TSPAN9: variants seen among roughly 807,000 people sequenced by gnomAD.
TSPAN9 encodes the protein tetraspanin 9, also known as tetraspanin-9.
A neutral mutation model predicts 31.0 loss-of-function variants in TSPAN9; 16 were observed. The observed-to-expected ratio is 0.52, with a 90% CI of 0.35 to 0.78. The LOEUF (loss-of-function observed/expected upper bound fraction) is 0.78. TSPAN9 is among the 30% of genes least tolerant of loss of function. TSPAN9 has a pLI of 0.01. For missense variants in TSPAN9, 272 were observed against 312.5 expected, an observed-to-expected ratio of 0.87 and a Z score of 0.98; for synonymous variants, 145 against 121.6, an observed-to-expected ratio of 1.19 and a Z score of -1.27.
At chr12:3,095,472 C>A (rs1423501733) in intron 2 of TSPAN9, among the ~76,000 whole-genome samples, 1 of 132,060 alleles carries the variant, frequency 7.6e-6, no homozygotes, top group Non-Finnish European at 1.6e-5. Flanking sequence ...CCTCACCTCC[C>A]GGACGGGGCG....
intron 3 of TSPAN9, among the ~76,000 whole-genome samples, chr12:3,232,563 C>G (rs76419735): frequency 0.024 from 3,616 of 152,308 alleles, 124 homozygotes; most frequent in African/African-American, 0.08. Context: ...GGTTTTGAGG[C>G]CAGCTTTGCA....
At position 3,143,371 on chromosome 12, in the gene TSPAN9, C is replaced by T. The variant is rs1469147039; in HGVS notation, c.-17-57806C>T. 6.6e-6 allele frequency among the ~76,000 whole-genome samples: 1 copy of T among 150,650 alleles called. No individual in the cohort carries two copies. The highest frequency in any genetic ancestry group is 1.5e-5 in the Non-Finnish European group (1 of 67,858). ...GTCCTGGTTTTTTCTCAAACCTTTG[C>T]TCACTAATTTTAGCATCCATCAGGG... On this transcript the variant is annotated intron_variant, in intron 2 of 8. Transcript: ENST00000011898. This position sits in a 1 kb window ranked among gnomAD's most constrained non-coding sequence, Gnocchi z 4.2.
intron 3 of TSPAN9, among the ~76,000 whole-genome samples, chr12:3,232,757 C>T (rs1372664258): frequency 1.3e-5 from 2 of 152,196 alleles, no homozygotes; most frequent in Admixed American, 6.5e-5. Flanking sequence ...GCAGCCCTGG[C>T]TCTCCCGTTC....
chr12:3,134,401 A>G (rs1374490233), intron 2 of TSPAN9, among the ~76,000 whole-genome samples: 2 of 152,202 alleles, frequency 1.3e-5, no homozygotes, highest in Non-Finnish European at 2.9e-5. Context: ...TCATTGTATA[A>G]ATGGGGAACT....
At chr12:3,178,914 G>A (rs369198865) in intron 2 of TSPAN9, among the ~76,000 whole-genome samples, 6 of 151,252 alleles carry the variant, frequency 4.0e-5, no homozygotes, top group South Asian at 2.1e-4. Context: ...CCTGTGGCTC[G>A]CGCCCATCCC....
intron 2 of TSPAN9, among the ~76,000 whole-genome samples, chr12:3,176,695 G>C (rs1032322442): frequency 1.3e-5 from 2 of 152,174 alleles, no homozygotes; most frequent in South Asian, 4.1e-4. Flanking sequence ...TCGTCTCAGC[G>C]AAGAAAGTAT....
rs1471900936 is a variant in TSPAN9 at position 3,168,164 on chromosome 12, G to T, written c.-17-33013G>T. ...ACCGTTTAGCTCAGTGCCCTGCAAGGCAGGAGTAGCACCGGTCATCCTTGG... is the reference window on the plus strand; with the variant it reads ...ACCGTTTAGCTCAGTGCCCTGCAAGTCAGGAGTAGCACCGGTCATCCTTGG... On this transcript the variant is annotated intron_variant, in intron 2 of 8. Coordinates refer to ENST00000011898, the MANE Select transcript of TSPAN9 (RefSeq NM_006675.5). The surrounding 1 kb of genome is among the most constrained non-coding windows in gnomAD (Gnocchi z 4.0). Among the ~76,000 whole-genome samples, 1 of 152,226 alleles carries T rather than the reference G, an allele frequency of 6.6e-6. No individual in the cohort carries two copies. Among genetic ancestry groups the T allele is most frequent in the Non-Finnish European group, 1.5e-5 (1 of 68,026 alleles).
chr12:3,112,173 G>A (rs961228058), intron 2 of TSPAN9, among the ~76,000 whole-genome samples: 22 of 123,632 alleles, frequency 1.8e-4, no homozygotes, highest in Non-Finnish European at 3.5e-4. Flanking sequence ...CAATTGTAAT[G>A]TTCCTTTTTT....
intron 2 of TSPAN9, among the ~76,000 whole-genome samples, chr12:3,193,426 C>T (rs141815742): frequency 1.3e-4 from 20 of 152,250 alleles, no homozygotes; most frequent in East Asian, 1.2e-3. Context: ...TAGCTGTGCC[C>T]GTGTTTCCTC....
intron 2 of TSPAN9, among the ~76,000 whole-genome samples, chr12:3,140,827 T>C (rs904195039): frequency 3.3e-5 from 5 of 151,000 alleles, no homozygotes; most frequent in African/African-American, 7.3e-5. Context: ...GGTTCAGGAG[T>C]GTGGACCAGG....
intron 3 of TSPAN9, among the ~76,000 whole-genome samples, chr12:3,260,591 G>A (rs1241047887): frequency 4.6e-5 from 7 of 152,236 alleles, no homozygotes; most frequent in African/African-American, 1.4e-4. Context: ...GCGAGGCACC[G>A]TAGGAGATGC....
chr12:3,118,131 T>C (rs375363461), intron 2 of TSPAN9, among the ~76,000 whole-genome samples: 6 of 151,850 alleles, frequency 4.0e-5, no homozygotes, highest in South Asian at 2.1e-4. Context: ...TATTCAAATG[T>C]GAAGTGAGTT....
At chr12:3,146,343 G>A (rs930789985) in intron 2 of TSPAN9, among the ~76,000 whole-genome samples, 4 of 151,970 alleles carry the variant, frequency 2.6e-5, no homozygotes, top group African/African-American at 9.7e-5. Context: ...GAGACTGTGT[G>A]GAGATGGTGG....
intron 3 of TSPAN9, among the ~76,000 whole-genome samples, chr12:3,221,667 T>A (rs1282364784): frequency 1.3e-5 from 2 of 151,398 alleles, no homozygotes; most frequent in African/African-American, 2.4e-5. Context: ...CCTAACAAAT[T>A]TTTTTTGAGA....
intron 2 of TSPAN9, among the ~76,000 whole-genome samples, chr12:3,120,451 C>A (rs1265875202): frequency 1.3e-5 from 2 of 152,192 alleles, no homozygotes; most frequent in African/African-American, 4.8e-5. Flanking sequence ...CTGCTCTCCC[C>A]ACTCCTGTGC....
At chr12:3,225,118 C>A (rs2098386500) in intron 3 of TSPAN9, among the ~76,000 whole-genome samples, 1 of 152,166 alleles carries the variant, frequency 6.6e-6, no homozygotes, top group Non-Finnish European at 1.5e-5. Context: ...CATCCTCGCA[C>A]CCTGTGGTCC....
chr12:3,138,071 G>C (rs2098332928), intron 2 of TSPAN9, among the ~76,000 whole-genome samples: 1 of 152,212 alleles, frequency 6.6e-6, no homozygotes, highest in Non-Finnish European at 1.5e-5. Context: ...CTCCCTTCAG[G>C]AGCCTAGGAC....
At chr12:3,132,638 T>TA (rs1352600840) in intron 2 of TSPAN9, among the ~76,000 whole-genome samples, 1 of 152,204 alleles carries the variant, frequency 6.6e-6, no homozygotes, top group Non-Finnish European at 1.5e-5. Context: ...AGATCCTGTT[T>TA]AAAACACCAG....
chr12:3,274,781 G>A (rs1026133903), intron 3 of TSPAN9, among the ~76,000 whole-genome samples: 1 of 152,262 alleles, frequency 6.6e-6, no homozygotes, highest in Non-Finnish European at 1.5e-5. Context: ...CCTTGAGGAT[G>A]GGAGCGTGGC....
Sources: allele counts gnomAD v4.1 joint callset (sites outside exome capture counted in the v4.1 genomes callset), GRCh38; gene constraint gnomAD v4.1.1; non-coding constraint Gnocchi (gnomAD v3.1); transcripts MANE v1.5; gene names NCBI Gene and HGNC (gene_info 2026-07-23, HGNC 2026-07-21).